PXDNL: variants seen among roughly 807,000 people sequenced by gnomAD.
The protein encoded by PXDNL is probable oxidoreductase PXDNL.
In PXDNL, 145 loss-of-function variants were observed where a neutral mutation model predicts 150.8. That is an observed-to-expected ratio of 0.96 (90% confidence interval 0.84 to 1.10). The LOEUF (loss-of-function observed/expected upper bound fraction) is 1.10. Among genes scored for constraint, PXDNL ranks in the 50% least tolerant of loss-of-function variants. The probability of loss-of-function intolerance (pLI) is 0.00; values close to 1 mark genes in which losing one functional copy is unlikely to be tolerated. For missense variants in PXDNL, 2,087 were observed against 1,873.9 expected, an observed-to-expected ratio of 1.11 and a Z score of -2.10; for synonymous variants, 757 against 725.7, an observed-to-expected ratio of 1.04 and a Z score of -0.69.
chr8:51,609,695 G>A (rs1290022347), intron 2 of PXDNL, among the ~76,000 whole-genome samples: 1 of 152,174 alleles, frequency 6.6e-6, no homozygotes, highest in Non-Finnish European at 1.5e-5. Context: ...GGAAATCTCA[G>A]GAAGAGTTAA....
chr8:51,503,236 T>C (rs1421074696), intron 4 of PXDNL, among the ~76,000 whole-genome samples: 1 of 152,166 alleles, frequency 6.6e-6, no homozygotes, highest in Non-Finnish European at 1.5e-5. Context: ...GGTAAGCAAC[T>C]GGTATTGGAA....
chr8:51,771,735 A>G (rs978290806), intron 1 of PXDNL, among the ~76,000 whole-genome samples: 1 of 152,222 alleles, frequency 6.6e-6, no homozygotes, highest in Non-Finnish European at 1.5e-5. Flanking sequence ...AGACAGAAAG[A>G]GACAGAGAGA....
chr8:51,571,074 C>A (rs75540647), intron 3 of PXDNL, among the ~76,000 whole-genome samples: 10,676 of 151,220 alleles, frequency 0.071, 963 homozygotes, highest in African/African-American at 0.22. Flanking sequence ...ATTTTTCACC[C>A]CTTATATCAG....
At chr8:51,377,661 G>A (rs952430292) in intron 17 of PXDNL, among the ~76,000 whole-genome samples, 1 of 152,238 alleles carries the variant, frequency 6.6e-6, no homozygotes, top group Non-Finnish European at 1.5e-5. Flanking sequence ...TAGCACCTGG[G>A]CCAGCAGCTG....
intron 1 of PXDNL, among the ~76,000 whole-genome samples, chr8:51,738,248 A>C (rs1487655569): frequency 6.6e-6 from 1 of 152,078 alleles, no homozygotes; most frequent in African/African-American, 2.4e-5. Flanking sequence ...TTTAAGTAGA[A>C]ATTTACAGTG....
intron 5 of PXDNL, among the ~76,000 whole-genome samples, chr8:51,492,198 G>T (rs937269424): frequency 1.3e-5 from 2 of 152,076 alleles, no homozygotes; most frequent in African/African-American, 4.8e-5. Context: ...TTTTCTTTAA[G>T]GGAAAACATT....
chr8:51,806,861 C>T (rs994053001), intron 1 of PXDNL, among the ~76,000 whole-genome samples: 2 of 152,152 alleles, frequency 1.3e-5, no homozygotes, highest in East Asian at 3.9e-4. Flanking sequence ...ACACTCCAAG[C>T]TTCAGGCTAG....
chr8:51,705,832 T>TGTGCGCGCGC (rs1349926589), intron 1 of PXDNL, among the ~76,000 whole-genome samples: 1 of 149,606 alleles, frequency 6.7e-6, no homozygotes, highest in Non-Finnish European at 1.5e-5. Flanking sequence ...TGTGTGTGTG[T>TGTGCGCGCGC]GCGCGCGCGC....
chr8:51,775,999 T>C (rs1419624567), intron 1 of PXDNL, among the ~76,000 whole-genome samples: 1 of 152,168 alleles, frequency 6.6e-6, no homozygotes, highest in Non-Finnish European at 1.5e-5. Flanking sequence ...GTCTCTAAAA[T>C]GGCCACTTTA....
intron 1 of PXDNL, among the ~76,000 whole-genome samples, chr8:51,785,556 C>A (rs570637128): frequency 6.6e-6 from 1 of 152,266 alleles, no homozygotes; most frequent in South Asian, 2.1e-4. Flanking sequence ...GTAATTCTCC[C>A]AATATTTCAA....
intron 1 of PXDNL, among the ~76,000 whole-genome samples, chr8:51,775,521 T>C (rs923218389): frequency 1.3e-5 from 2 of 152,192 alleles, no homozygotes; most frequent in African/African-American, 4.8e-5. Flanking sequence ...CAGAAGAACA[T>C]AAATTGTGAA....
intron 19 of PXDNL, among the ~76,000 whole-genome samples, chr8:51,350,345 A>G (rs1806306971): frequency 7.6e-6 from 1 of 132,356 alleles, no homozygotes; most frequent in Admixed American, 7.9e-5. Flanking sequence ...TTATTAGCAA[A>G]TGCAGCTTCT....
At chr8:51,790,670 G>A (rs1336433529) in intron 1 of PXDNL, among the ~76,000 whole-genome samples, 2 of 151,944 alleles carry the variant, frequency 1.3e-5, no homozygotes, top group African/African-American at 2.4e-5. Flanking sequence ...CCTGATGGGC[G>A]AGGGAAGGGC....
intron 1 of PXDNL, among the ~76,000 whole-genome samples, chr8:51,783,114 G>A (rs2037430869): frequency 6.6e-6 from 1 of 152,140 alleles, no homozygotes; most frequent in South Asian, 2.1e-4. Context: ...GTGTCAAGAT[G>A]GGTTAAAAAT....
Position 51,520,263 on chromosome 8 carries a change from C to A in PXDNL, c.381-20493G>T, listed in dbSNP as rs534605812. On this transcript the variant is annotated intron_variant, in intron 4 of 22. Transcript: ENST00000356297. Reference sequence around the variant, plus strand: ...CAATAGTGAAATCCCGCCCTATCTGCCCCTCTTCAACCCAACTCTAGCTTC... The same window carrying A: ...CAATAGTGAAATCCCGCCCTATCTGACCCTCTTCAACCCAACTCTAGCTTC... Among the ~76,000 whole-genome samples the A allele has an allele frequency of 4.6e-5, 7 of 152,274 alleles. No homozygotes were observed. The East Asian group carries it at 1.4e-3, about 29-fold the overall frequency.
chr8:51,492,478 G>A (rs1810918002), intron 5 of PXDNL, among the ~76,000 whole-genome samples: 2 of 152,254 alleles, frequency 1.3e-5, no homozygotes, highest in Admixed American at 1.3e-4. Flanking sequence ...CCAAAGCTGG[G>A]CAAGGCATCA....
At chr8:51,372,797 T>C (rs1051120525) in intron 18 of PXDNL, among the ~76,000 whole-genome samples, 1 of 152,244 alleles carries the variant, frequency 6.6e-6, no homozygotes, top group African/African-American at 2.4e-5. Flanking sequence ...TATATACTAT[T>C]TGGTTATATC....
chr8:51,805,410 CCT>C (rs1338576506), intron 1 of PXDNL, among the ~76,000 whole-genome samples: 1 of 146,776 alleles, frequency 6.8e-6, no homozygotes, highest in East Asian at 2.0e-4. Context: ...GCAGCTACTC[CCT>C]ATTATTCCAT....
chr8:51,742,449 CTG>C (rs991360295), intron 1 of PXDNL, among the ~76,000 whole-genome samples: 1 of 152,098 alleles, frequency 6.6e-6, no homozygotes, highest in Non-Finnish European at 1.5e-5. Context: ...AATTTCCTCA[CTG>C]TGATATTGCA....
Sources: allele counts gnomAD v4.1 joint callset (sites outside exome capture counted in the v4.1 genomes callset), GRCh38; gene constraint gnomAD v4.1.1; transcripts MANE v1.5; gene names NCBI Gene and HGNC (gene_info 2026-07-23, HGNC 2026-07-21).